The following PPM1H variants were observed in gnomAD, a reference collection of about 807,000 sequenced individuals.
The protein encoded by PPM1H is protein phosphatase 1H.
A neutral mutation model predicts 54.9 loss-of-function variants in PPM1H; 27 were observed. That is an observed-to-expected ratio of 0.49 (90% CI 0.36 to 0.68). PPM1H has a LOEUF of 0.68. Ranked by LOEUF, PPM1H falls within the 30% of genes least tolerant of loss-of-function variation. The pLI is 0.00. For synonymous variants in PPM1H, 305 were observed against 270.8 expected (o/e 1.13, Z -1.24); for missense variants, 596 against 667.8 (o/e 0.89, Z 1.19).
At chr12:62,769,757 G>A (rs1011498939) in intron 4 of PPM1H, among the ~76,000 whole-genome samples, 5 of 152,058 alleles carry the variant, frequency 3.3e-5, no homozygotes, top group Non-Finnish European at 5.9e-5. Flanking sequence ...GGAATGCCTG[G>A]GAGAAAAAAA....
At chr12:62,839,049 A>T (rs12299234) in intron 1 of PPM1H, among the ~76,000 whole-genome samples, 14,200 of 151,898 alleles carry the variant, frequency 0.093, 1,151 homozygotes, top group African/African-American at 0.22. Context: ...AGGGAGAAGA[A>T]AGGATGGTAT....
chr12:62,826,148 T>G (rs954711593), intron 2 of PPM1H, among the ~76,000 whole-genome samples: 2 of 152,202 alleles, frequency 1.3e-5, no homozygotes, highest in Non-Finnish European at 2.9e-5. Context: ...CATTATTATC[T>G]GTAGTAGAAA....
At chr12:62,823,070 C>A (rs970367670) in intron 2 of PPM1H, among the ~76,000 whole-genome samples, 6 of 152,114 alleles carry the variant, frequency 3.9e-5, no homozygotes, top group Non-Finnish European at 7.4e-5. Context: ...GATATCACCA[C>A]CAATCCCACA....
At chr12:62,884,011 C>T (rs573935555) in intron 1 of PPM1H, among the ~76,000 whole-genome samples, 7 of 152,126 alleles carry the variant, frequency 4.6e-5, no homozygotes, top group Middle Eastern at 3.4e-3. Context: ...AACAAACAGA[C>T]AAAAGAGATG....
intron 8 of PPM1H, among the ~76,000 whole-genome samples, chr12:62,686,217 G>T (rs2076050733): frequency 6.6e-6 from 1 of 152,198 alleles, no homozygotes; most frequent in African/African-American, 2.4e-5. Context: ...CCCTTCCTGA[G>T]ATCTGCAGTA....
intron 1 of PPM1H, among the ~76,000 whole-genome samples, chr12:62,891,104 C>CCA (rs762366133): frequency 6.6e-5 from 5 of 76,104 alleles, no homozygotes; most frequent in Non-Finnish European, 1.3e-4. Context: ...GCAAGACTCT[C>CCA]AAAAAAAAAA....
chr12:62,712,627 A>G (rs969819967), intron 6 of PPM1H, among the ~76,000 whole-genome samples: 32 of 152,330 alleles, frequency 2.1e-4, no homozygotes, highest in East Asian at 1.9e-4. Flanking sequence ...AGGGAAAAGT[A>G]CTGAGTTTGA....
At chr12:62,660,394 C>A (rs1002214090) in intron 9 of PPM1H, among the ~76,000 whole-genome samples, 3 of 152,130 alleles carry the variant, frequency 2.0e-5, no homozygotes, top group Non-Finnish European at 2.9e-5. Flanking sequence ...CAAACCTGAA[C>A]AGAAAGAACA....
intron 9 of PPM1H, chr12:62,659,219 T>C (rs924762434): frequency 7.9e-6 from 5 of 633,244 alleles, no homozygotes; most frequent in Admixed American, 2.1e-5. Flanking sequence ...GCGAAGAAAA[T>C]GGGTAGACAG....
At position 62,677,152 on chromosome 12, in the gene PPM1H, T is replaced by C. The variant is rs117074055; in HGVS notation, c.1246-9823A>G. On this transcript the variant is annotated intron_variant, in intron 8 of 9. Transcript: ENST00000228705. The stretch of plus-strand genomic sequence containing the variant: ...TGCACTCATCAGGATGACCTGCCTG[T>C]GGAAAGAAGCTACCCACTTCAGGTC... 3.5e-4 allele frequency among the ~76,000 whole-genome samples: 54 copies of C among 152,248 alleles called. No homozygotes were observed. In the East Asian group the frequency reaches 0.01, roughly 29 times the overall value.
chr12:62,914,022 G>A (rs1392555078), intron 1 of PPM1H, among the ~76,000 whole-genome samples: 1 of 152,164 alleles, frequency 6.6e-6, no homozygotes, highest in Non-Finnish European at 1.5e-5. Flanking sequence ...CTATAAGGAA[G>A]GAAATAAAGG....
At chr12:62,737,771 G>GTGC (rs1196112944) in intron 4 of PPM1H, among the ~76,000 whole-genome samples, 185 bp from the exon 5 acceptor site, 1 of 152,166 alleles carries the variant, frequency 6.6e-6, no homozygotes, top group East Asian at 1.9e-4. Context: ...TCTCTTTTAA[G>GTGC]TGCATTGCAT....
At chr12:62,657,363 A>T (rs1565746623) in intron 9 of PPM1H, among the ~76,000 whole-genome samples, 1 of 152,212 alleles carries the variant, frequency 6.6e-6, no homozygotes, top group East Asian at 1.9e-4. Context: ...CCTGTAAAAC[A>T]TCCTGATGTG....
intron 9 of PPM1H, among the ~76,000 whole-genome samples, chr12:62,654,929 G>C (rs867881732): frequency 1.6e-4 from 24 of 152,282 alleles, no homozygotes; most frequent in South Asian, 4.2e-4. Context: ...CTGTTCCCAG[G>C]AGGTCGGATT....
At position 62,782,854 on chromosome 12, in the gene PPM1H, G is replaced by T. The variant is rs375766794; in HGVS notation, c.869+5372C>A. On this transcript the variant is annotated intron_variant, in intron 4 of 9. Transcript: ENST00000228705. ...TTTAATTTTAATTTTTTGAGACAGGGTCTTACTCTGACACCCAGGCTGGAG... is the reference window on the plus strand; with the variant it reads ...TTTAATTTTAATTTTTTGAGACAGGTTCTTACTCTGACACCCAGGCTGGAG... Among the ~76,000 whole-genome samples, 17 of 152,218 alleles carry T rather than the reference G, an allele frequency of 1.1e-4. No individual in the cohort carries two copies. In the East Asian group the frequency reaches 2.9e-3, roughly 26 times the overall value.
rs144135808 is a variant in PPM1H, at chr12:62,767,177, G to A, written c.869+21049C>T. 7.6e-4 allele frequency among the ~76,000 whole-genome samples: 116 copies of A among 152,278 alleles called. 1 individual carries two copies. Among genetic ancestry groups the A allele is most frequent in the African/African-American group, 2.6e-3 (110 of 41,542 alleles). The stretch of plus-strand genomic sequence containing the variant: ...GGCCTGGAGTGTGGGAGGGAAGTGC[G>A]GCTTGGGCTTCTATACTTGGGCAAC... On this transcript the variant is annotated intron_variant, in intron 4 of 9. Transcript: ENST00000228705.
intron 1 of PPM1H, among the ~76,000 whole-genome samples, chr12:62,932,628 C>CTTTTTTTTT (rs61003358): frequency 0.045 from 2,429 of 53,978 alleles, 663 homozygotes; most frequent in Middle Eastern, 0.11. Context: ...TCCAAATGGG[C>CTTTTTTTTT]TTTTTTTTTT....
intron 1 of PPM1H, among the ~76,000 whole-genome samples, chr12:62,896,801 A>G (rs111716000): frequency 2.6e-5 from 4 of 152,256 alleles, no homozygotes; most frequent in Admixed American, 6.5e-5. Context: ...ACATGCTCAC[A>G]TATGTTTATT....
intron 6 of PPM1H, among the ~76,000 whole-genome samples, chr12:62,703,940 C>T (rs1344303059): frequency 6.6e-6 from 1 of 151,162 alleles, no homozygotes; most frequent in African/African-American, 2.4e-5. Context: ...AGGCAGCCAG[C>T]TCTTCCCCCC....
Sources: gnomAD v4.1 joint callset for allele counts (sites outside exome capture counted in the v4.1 genomes callset) on GRCh38, gnomAD v4.1.1 for gene constraint, MANE v1.5 for transcripts, NCBI Gene and HGNC (gene_info 2026-07-23, HGNC 2026-07-21) for gene names.